The following CAMK2G variants were observed in gnomAD, a reference collection of about 807,000 sequenced individuals.
CAMK2G encodes the protein calcium/calmodulin-dependent protein kinase type II subunit gamma.
Under a neutral mutation model 88.7 loss-of-function variants are expected in CAMK2G, and 23 were observed. The ratio of observed to expected loss-of-function variants is 0.26; its 90% CI spans 0.19 to 0.37. The LOEUF is 0.37. Among genes scored for constraint, CAMK2G ranks in the 10% least tolerant of loss-of-function variants. The pLI, the probability that CAMK2G is intolerant of heterozygous loss-of-function variation, is 1.00. For missense variants in CAMK2G, 476 were observed against 780.8 expected, an observed-to-expected ratio of 0.61 and a Z score of 4.65; for synonymous variants, 263 against 294.8, an observed-to-expected ratio of 0.89 and a Z score of 1.11.
intron 2 of CAMK2G, among the ~76,000 whole-genome samples, chr10:73,867,396 C>T (rs1284168941): frequency 6.6e-6 from 1 of 152,268 alleles, no homozygotes; most frequent in Non-Finnish European, 1.5e-5. Flanking sequence ...CGTCTGTTCT[C>T]CATGCCCCCC....
intron 3 of CAMK2G, among the ~76,000 whole-genome samples, chr10:73,858,700 G>A (rs918140444): frequency 2.0e-4 from 30 of 152,174 alleles, no homozygotes; most frequent in African/African-American, 5.5e-4. Flanking sequence ...TGGTCCCTCC[G>A]CCTGCCTCCA....
At chr10:73,817,168 G>A (rs1242723866) in intron 20 of CAMK2G, 51 bp from the exon 21 acceptor site, 1 of 1,554,746 alleles carries the variant, frequency 6.4e-7, no homozygotes, top group Non-Finnish European at 8.6e-7. Flanking sequence ...GGAGTGACTT[G>A]TCTTCCTTCC....
At chr10:73,816,975 G>A in intron 21 of CAMK2G, 48 bp downstream of exon 21, 2 of 1,613,918 alleles carry the variant, frequency 1.2e-6, no homozygotes, top group Non-Finnish European at 1.7e-6. Context: ...CAGAGACAAA[G>A]GGGTAAAGGG....
chr10:73,841,311 G>A lies in CAMK2G; in HGVS notation c.946+858C>T, dbSNP rs75895004. On this transcript the variant is annotated intron_variant, in intron 12 of 22. Transcript: ENST00000423381. ...AAGGGAGGGAGTCTTATTATGGGAA[G>A]GAGAAGGGGGGGTCTTGAACCAAAA... Among the ~76,000 whole-genome samples, 98 of 152,302 alleles carry A rather than the reference G, an allele frequency of 6.4e-4. No individual in the cohort carries two copies. In the East Asian group the frequency reaches 0.018, roughly 28 times the overall value.
At position 73,856,441 on chromosome 10, in the gene CAMK2G, AC is replaced by A. The variant is rs1417779617; in HGVS notation, c.221-3196del. On this transcript the variant is annotated intron_variant, in intron 3 of 22. Transcript: ENST00000423381. ...GCTCGACAATGTCCACTGGGCAGCT[AC>A]CCCGGAGCAGGCGAGGCTGTACATG... Among the ~76,000 whole-genome samples the A allele has an allele frequency of 7.9e-5, 12 of 152,272 alleles. No individual in the cohort carries two copies. The East Asian group carries it at 2.3e-3, about 29-fold the overall frequency.
chr10:73,833,127 ATTTTTT>A (rs765917793), intron 14 of CAMK2G, among the ~76,000 whole-genome samples: 1 of 138,788 alleles, frequency 7.2e-6, no homozygotes, highest in Admixed American at 7.3e-5. Context: ...CACTCAGCTA[ATTTTTT>A]TTTTTTTTTT....
chr10:73,837,267 C>T, intron 14 of CAMK2G: 1 of 645,002 alleles, frequency 1.6e-6, no homozygotes, highest in Non-Finnish European at 2.8e-6. Flanking sequence ...CATTCCCATC[C>T]AGCTAGGGCC....
rs188902796 is a variant in CAMK2G, at chr10:73,833,018, G to A, written c.1053+4450C>T. On this transcript the variant is annotated intron_variant, in intron 14 of 22. Coordinates refer to ENST00000423381, the MANE Select transcript of CAMK2G (RefSeq NM_001367534.1). Reference sequence around the variant, plus strand: ...CTCACTCTGTCACCCAGGCTGGAGCGCAGTGGTGTGATCCTGGCTGTAACC... The same window carrying A: ...CTCACTCTGTCACCCAGGCTGGAGCACAGTGGTGTGATCCTGGCTGTAACC... Among the ~76,000 whole-genome samples the A allele has an allele frequency of 6.4e-3, 949 of 148,378 alleles. 16 individuals carry two copies. The highest frequency in any genetic ancestry group is 0.023 in the African/African-American group (912 of 40,104).
chr10:73,836,858 A>T (rs528203883), intron 14 of CAMK2G, among the ~76,000 whole-genome samples: 2 of 152,274 alleles, frequency 1.3e-5, no homozygotes, highest in South Asian at 4.1e-4. Context: ...GGTGGGTCCC[A>T]GGTCCCTCCT....
At chr10:73,849,645 A>T (rs1335994421) in intron 5 of CAMK2G, among the ~76,000 whole-genome samples, 1 of 152,228 alleles carries the variant, frequency 6.6e-6, no homozygotes, top group Non-Finnish European at 1.5e-5. Context: ...ACAGCCCAGA[A>T]TCCTGAGGAA....
intron 2 of CAMK2G, 109 bp from the exon 3 acceptor site, chr10:73,860,998 T>A (rs780631174): frequency 2.4e-4 from 193 of 791,644 alleles, no homozygotes; most frequent in Non-Finnish European, 3.9e-4. Flanking sequence ...TTTGTGATGA[T>A]TTGCTGAAGT....
intron 14 of CAMK2G, among the ~76,000 whole-genome samples, chr10:73,834,172 C>T (rs61864476): frequency 0.012 from 1,878 of 152,222 alleles, 29 homozygotes; most frequent in Non-Finnish European, 0.017. Flanking sequence ...CCCGCCTCGG[C>T]CTCCCAAAGT....
Position 73,821,687 on chromosome 10 carries a change from AG to A in CAMK2G, c.1243del (p.Leu415SerfsTer53), listed in dbSNP as rs1365926622. 6.2e-7 allele frequency: 1 copy of A among 1,610,792 alleles called. No homozygotes were observed. Among genetic ancestry groups the A allele is most frequent in the Non-Finnish European group, 8.5e-7 (1 of 1,178,602 alleles). On this transcript the variant is annotated frameshift_variant, in exon 18 of 23. Transcript: ENST00000423381. LOFTEE classifies it high-confidence loss of function. The part of the protein sequence containing the change: ...SCNTTTEDED[L>X]KAAPLRTGNG... ...CTCCAAGGGCCAGCACCTACCTTTG[AG>A]GTCCTCATCTTCTGTGGTGGTGTTG...
At chr10:73,852,935 G>T (rs1018346213) in intron 4 of CAMK2G, 1 of 503,386 alleles carries the variant, frequency 2.0e-6, no homozygotes, top group African/African-American at 2.0e-5. Context: ...CAAGACAAAG[G>T]CATCTGTGCA....
Position 73,867,827 on chromosome 10 carries a change from G to A in CAMK2G, c.160+5162C>T, listed in dbSNP as rs561732874. ...CAGAACCTGTGTTTTAAAGAAAGGC[G>A]CCAAGGAGTGGGTGGAGGCCACACG... On this transcript the variant is annotated intron_variant, in intron 2 of 22. Coordinates refer to ENST00000423381, the MANE Select transcript of CAMK2G (RefSeq NM_001367534.1). Among the ~76,000 whole-genome samples, 15 of 152,306 alleles carry A rather than the reference G, an allele frequency of 9.8e-5. 1 individual carries two copies. In the South Asian group the frequency reaches 2.7e-3, roughly 27 times the overall value.
intron 3 of CAMK2G, among the ~76,000 whole-genome samples, chr10:73,860,251 C>G (rs1475415157): frequency 2.0e-5 from 3 of 152,196 alleles, no homozygotes; most frequent in Non-Finnish European, 4.4e-5. Context: ...TCTTGTCCCC[C>G]CAGTCAGGGT....
At chr10:73,844,504 T>C (rs1233551716) in intron 10 of CAMK2G, among the ~76,000 whole-genome samples, 1 of 152,022 alleles carries the variant, frequency 6.6e-6, no homozygotes, top group Non-Finnish European at 1.5e-5. Context: ...ACCTCCTGGG[T>C]TCTAGTGATT....
Position 73,816,516 on chromosome 10 carries a change from A to C in CAMK2G, c.1534+507T>G, listed in dbSNP as rs1465590915. On this transcript the variant is annotated intron_variant, in intron 21 of 22. Transcript: ENST00000423381. The stretch of plus-strand genomic sequence containing the variant: ...TGCTCTGTTGCCCAGGCTGGAGTGC[A>C]GTGGCCTGATCTTGGCTCACTGCAA... 4.4e-6 allele frequency: 4 copies of C among 910,608 alleles called. No homozygotes were observed. In the African/African-American group the frequency reaches 5.3e-5, roughly 12 times the overall value. The allele number at this position is 910,608 out of a possible 1,614,324, so 56.4% of individuals were successfully genotyped here.
In CAMK2G at chr10:73,817,536, A is replaced by G; in HGVS notation, c.1382T>C (p.Ile461Thr). Residue 461 changes from isoleucine to threonine, a missense_variant, in exon 20 of 23, where the codon ATT (isoleucine) becomes ACT (threonine). Ile to Thr is a moderately conservative substitution (Grantham distance 89). Transcript: ENST00000423381. ...TTCAATCAGCTGTTCTGTAATCTTAATGATCTCCTGTTTTCGCACTGTGGG... is the reference window on the plus strand; with the variant it reads ...TTCAATCAGCTGTTCTGTAATCTTAGTGATCTCCTGTTTTCGCACTGTGGG... ...CSSAMRKQEI[I>T]KITEQLIEAI... The G allele has an allele frequency of 6.2e-7, 1 of 1,613,008 alleles. No individual in the cohort carries two copies. The highest frequency in any genetic ancestry group is 8.5e-7 in the Non-Finnish European group (1 of 1,178,966).
Sources: allele counts gnomAD v4.1 joint callset (sites outside exome capture counted in the v4.1 genomes callset), GRCh38; gene constraint gnomAD v4.1.1; transcripts MANE v1.5; gene names NCBI Gene and HGNC (gene_info 2026-07-23, HGNC 2026-07-21).